Variants in ANKAR observed in about 807,000 individuals in gnomAD.
ANKAR encodes ankyrin and armadillo repeat containing.
Under a neutral mutation model 146.2 loss-of-function variants are expected in ANKAR, and 136 were observed. The observed-to-expected ratio is 0.93, with a 90% CI of 0.81 to 1.07. ANKAR has a LOEUF of 1.07. Ranked by LOEUF, ANKAR falls within the 50% of genes least tolerant of loss-of-function variation. The pLI is 0.00. For synonymous variants in ANKAR, 500 were observed against 575.8 expected (o/e 0.87, Z 1.88); for missense variants, 1,567 against 1,679.9 (o/e 0.93, Z 1.18).
At chr2:189,737,359 T>G (rs1009311276) in intron 17 of ANKAR, among the ~76,000 whole-genome samples, 12 of 151,596 alleles carry the variant, frequency 7.9e-5, no homozygotes, top group African/African-American at 2.7e-4. Context: ...GAATACATTA[T>G]TTTTCTCCTA....
At chr2:189,712,589 G>C (rs2039859814) in intron 10 of ANKAR, among the ~76,000 whole-genome samples, 1 of 151,966 alleles carries the variant, frequency 6.6e-6, no homozygotes, top group South Asian at 2.1e-4. Context: ...CAACAAAAAG[G>C]ACATCTACAC....
At chr2:189,740,756 C>T (rs548343602) in intron 19 of ANKAR, among the ~76,000 whole-genome samples, 1 of 151,716 alleles carries the variant, frequency 6.6e-6, no homozygotes, top group Non-Finnish European at 1.5e-5. Context: ...TGCAATGGCA[C>T]GATCTCTGCT....
At chr2:189,728,529 C>G in intron 14 of ANKAR, 109 bp downstream of exon 14, 1 of 1,470,518 alleles carries the variant, frequency 6.8e-7, no homozygotes. Flanking sequence ...CCTCAAACCC[C>G]TGGGCTCAAG....
At position 189,694,989 on chromosome 2, in the gene ANKAR, T is replaced by G. The variant is rs762527864; in HGVS notation, c.1316T>G (p.Val439Gly). 2 of 1,502,654 alleles carry G rather than the reference T, an allele frequency of 1.3e-6. No individual in the cohort carries two copies. Among genetic ancestry groups the G allele is most frequent in the Non-Finnish European group, 1.8e-6 (2 of 1,122,702 alleles). 93.1% of individuals were successfully genotyped at this position (1,502,654 alleles called of 1,614,324 possible). ...TTCTTTATTTTTTATAGCTACTATG[T>G]GATCTATTTTGAACTAGAAACTTTC... ...VMEFHGKSYY[V>G]IYFELETFYQ... Residue 439 changes from valine to glycine, a missense_variant, in exon 6 of 23, where the codon GTG becomes GGG. By Grantham distance (109) the Val-to-Gly change is moderately radical. Transcript: ENST00000684021.
chr2:189,710,643 A>T (rs1032211944), intron 9 of ANKAR, among the ~76,000 whole-genome samples: 1 of 152,152 alleles, frequency 6.6e-6, no homozygotes, highest in Non-Finnish European at 1.5e-5. Context: ...CTGCAAAAAA[A>T]ATACAAAAAT....
intron 18 of ANKAR, among the ~76,000 whole-genome samples, chr2:189,758,768 A>C (rs2046482645): frequency 6.6e-6 from 1 of 152,186 alleles, no homozygotes. Context: ...TGGCACTTAG[A>C]CTCTACTGAG....
At position 189,720,747 on chromosome 2, in the gene ANKAR, A is replaced by C; in HGVS notation, c.2595A>C (p.Lys865Asn). 6.6e-7 allele frequency: 1 copy of C among 1,518,774 alleles called. No homozygotes were observed. Among genetic ancestry groups the C allele is most frequent in the Non-Finnish European group, 8.8e-7 (1 of 1,138,754 alleles). The allele number at this position is 1,518,774 out of a possible 1,614,324, so 94.1% of individuals were successfully genotyped here. A position where few individuals can be genotyped will look rare whatever the true frequency, so the allele number is the denominator to read the frequency against. The change falls in exon 12 of 23, where the codon AAA (lysine) becomes AAC (asparagine). Residue 865 changes from lysine to asparagine, a missense_variant. Coordinates refer to ENST00000684021, the MANE Select transcript of ANKAR (RefSeq NM_001378068.1). ...ATCAAAGAGCTGTGAGAGAACATAA[A>C]GGCCTCCCATATCTTATCAGATTTC... ...ENNQRAVREHKGLPYLIRFLS... is the reference protein window; with the variant it reads ...ENNQRAVREHNGLPYLIRFLS...
chr2:189,695,603 A>G lies in ANKAR; in HGVS notation c.1488+442A>G, dbSNP rs866869416. The stretch of plus-strand genomic sequence containing the variant: ...GCAGACCTAGCATCATCAAATCTCC[A>G]CATCTGTTTCAACAAGCCTTGAAGT... On this transcript the variant is annotated intron_variant, in intron 6 of 22. Coordinates refer to ENST00000684021, the MANE Select transcript of ANKAR (RefSeq NM_001378068.1). 3.9e-5 allele frequency among the ~76,000 whole-genome samples: 6 copies of G among 152,236 alleles called. No individual in the cohort carries two copies. The East Asian group carries it at 1.2e-3, about 29-fold the overall frequency.
At chr2:189,708,422 T>G (rs911656086) in intron 9 of ANKAR, among the ~76,000 whole-genome samples, 1 of 152,250 alleles carries the variant, frequency 6.6e-6, no homozygotes, top group Non-Finnish European at 1.5e-5. Flanking sequence ...AGGTTTTTGA[T>G]TTTACAATTG....
rs1455272072 is a variant in ANKAR, at chr2:189,742,871, CACA to C, written c.3811-403_3811-401del. 4.5e-4 allele frequency among the ~76,000 whole-genome samples: 38 copies of C among 84,628 alleles called. 1 individual carries two copies. The highest frequency in any genetic ancestry group is 1.2e-3 in the African/African-American group (34 of 27,852). 55.5% of individuals were successfully genotyped at this position (84,628 alleles called of 152,430 possible). ...ACACACATTAGAATTACCTGACACA[CACA>C]CACACACACACACACACACTAGAAT... On this transcript the variant is annotated intron_variant, in intron 20 of 22. Coordinates refer to ENST00000684021, the MANE Select transcript of ANKAR (RefSeq NM_001378068.1).
chr2:189,753,998 G>A (rs748631117), intron 18 of ANKAR: 4 of 1,613,594 alleles, frequency 2.5e-6, no homozygotes, highest in Middle Eastern at 1.6e-4. Context: ...AAGATGACAT[G>A]CCATTGTGTG....
intron 12 of ANKAR, among the ~76,000 whole-genome samples, chr2:189,724,031 G>A (rs942585781): frequency 7.9e-5 from 12 of 152,242 alleles, no homozygotes; most frequent in Middle Eastern, 6.8e-3. Context: ...CAAAAAGAAC[G>A]TAAACCATGC....
Position 189,705,201 on chromosome 2 carries a change from G to T in ANKAR, c.1887G>T (p.Leu629Phe), listed in dbSNP as rs201789024. 6.8e-6 allele frequency: 11 copies of T among 1,614,038 alleles called. No homozygotes were observed. Among genetic ancestry groups the T allele is most frequent in the Non-Finnish European group, 8.5e-6 (10 of 1,179,984 alleles). Reference protein sequence around the residue: ...IIALCRKDPSLLEAEATAENQ... With the variant: ...IIALCRKDPSFLEAEATAENQ... ...CTCTCTGTAGGAAGGATCCTAGTTT[G>T]CTAGAAGCTGAGGCAACAGCTGAGT... is the stretch of plus-strand genomic sequence containing the variant. Residue 629 changes from leucine to phenylalanine, a missense_variant, in exon 8 of 23, where the codon TTG (leucine) becomes TTT (phenylalanine). Physicochemically the swap from Leu to Phe is conservative, Grantham distance 22. Coordinates refer to ENST00000684021, the MANE Select transcript of ANKAR (RefSeq NM_001378068.1).
intron 5 of ANKAR, among the ~76,000 whole-genome samples, chr2:189,694,056 C>T (rs958489898): frequency 6.6e-6 from 1 of 151,842 alleles, no homozygotes; most frequent in Non-Finnish European, 1.5e-5. Context: ...TCCATAAGAC[C>T]CTATCTCTAC....
At chr2:189,737,096 AAAAAGAAAAG>A (rs1338219830) in intron 17 of ANKAR, among the ~76,000 whole-genome samples, 1 of 140,430 alleles carries the variant, frequency 7.1e-6, no homozygotes, top group East Asian at 2.1e-4. Context: ...AAAAAGAAAA[AAAAAGAAAAG>A]AAAATTCACC....
intron 7 of ANKAR, among the ~76,000 whole-genome samples, chr2:189,704,288 C>T (rs62185874): frequency 0.1 from 15,667 of 150,954 alleles, 1,038 homozygotes; most frequent in Middle Eastern, 0.16. Context: ...ACTACAGGCA[C>T]GCACCACCAT....
chr2:189,720,497 C>T (rs1010568609), intron 11 of ANKAR, 122 bp from the exon 12 acceptor site: 16 of 482,086 alleles, frequency 3.3e-5, no homozygotes, highest in South Asian at 7.4e-5. Flanking sequence ...CCGCCTGCCT[C>T]GGCCTCCCAA....
intron 17 of ANKAR, among the ~76,000 whole-genome samples, chr2:189,737,385 T>C (rs1268605465): frequency 1.6e-5 from 2 of 122,758 alleles, no homozygotes; most frequent in Non-Finnish European, 3.4e-5. Context: ...CCTTAAAATA[T>C]AGTACAATGG....
intron 1 of ANKAR, 82 bp from the exon 2 acceptor site, chr2:189,676,374 G>T: frequency 1.5e-5 from 19 of 1,229,618 alleles, no homozygotes; most frequent in South Asian, 1.4e-4. Context: ...TAGGTGAAAG[G>T]TACAGATTTA....
Sources: gnomAD v4.1 joint callset for allele counts (sites outside exome capture counted in the v4.1 genomes callset) on GRCh38, gnomAD v4.1.1 for gene constraint, MANE v1.5 for transcripts, NCBI Gene and HGNC (gene_info 2026-07-23, HGNC 2026-07-21) for gene names.